MCM6: variants seen among roughly 807,000 people sequenced by gnomAD.
MCM6 encodes the protein minichromosome maintenance complex component 6, also known as DNA replication licensing factor MCM6.
Under a neutral mutation model 94.3 loss-of-function variants are expected in MCM6, and 46 were observed. The observed-to-expected ratio is 0.49, with a 90% CI of 0.39 to 0.62. The LOEUF (loss-of-function observed/expected upper bound fraction) is 0.62. Ranked by LOEUF, MCM6 falls within the 20% of genes least tolerant of loss-of-function variation. MCM6 has a pLI of 0.00. For synonymous variants in MCM6, 335 were observed against 351.9 expected (o/e 0.95, Z 0.54); for missense variants, 865 against 1,017.9 (o/e 0.85, Z 2.04).
chr2:135,863,070 C>T (rs974967202), intron 7 of MCM6, among the ~76,000 whole-genome samples: 2 of 152,166 alleles, frequency 1.3e-5, no homozygotes, highest in African/African-American at 4.8e-5. Context: ...AAAGATCTCT[C>T]CTGATAAATG....
chr2:135,860,898 A>C (rs1404846742), intron 8 of MCM6, among the ~76,000 whole-genome samples: 1 of 152,202 alleles, frequency 6.6e-6, no homozygotes, highest in Non-Finnish European at 1.5e-5. Flanking sequence ...AGGCAAGAAA[A>C]AAAGGCAGCC....
intron 11 of MCM6, among the ~76,000 whole-genome samples, chr2:135,854,461 C>T (rs1305496289): frequency 8.1e-6 from 1 of 122,964 alleles, no homozygotes. Context: ...ACCTGAGAGG[C>T]GGAGGTTGCA....
At chr2:135,861,713 C>T (rs1041889068) in intron 8 of MCM6, among the ~76,000 whole-genome samples, 10 of 152,236 alleles carry the variant, frequency 6.6e-5, no homozygotes, top group African/African-American at 1.7e-4. Context: ...CCTGGGTTCA[C>T]GCCATTCTCC....
chr2:135,843,979 T>C (rs1466226002), intron 16 of MCM6, among the ~76,000 whole-genome samples: 1 of 151,980 alleles, frequency 6.6e-6, no homozygotes, highest in Non-Finnish European at 1.5e-5. Flanking sequence ...GGAAAAGGAA[T>C]TGCACTGGGC....
chr2:135,845,069 A>C (rs1405297325), intron 15 of MCM6, among the ~76,000 whole-genome samples: 1 of 152,232 alleles, frequency 6.6e-6, no homozygotes, highest in Non-Finnish European at 1.5e-5. Context: ...GCAAGCAAAA[A>C]TTCTGAAATA....
intron 1 of MCM6, among the ~76,000 whole-genome samples, chr2:135,873,438 A>C (rs1255365385): frequency 6.6e-6 from 1 of 152,234 alleles, no homozygotes; most frequent in Admixed American, 6.5e-5. Context: ...CATGGAAATG[A>C]GGTGTTTCAC....
chr2:135,840,471 A>G lies in MCM6; in HGVS notation c.*364T>C, dbSNP rs1158369240. On this transcript the variant is annotated 3_prime_UTR_variant, in exon 17 of 17. Coordinates refer to ENST00000264156, the MANE Select transcript of MCM6 (RefSeq NM_005915.6). ...AGAACAAGTTATTTTATTTTGATGAATAAAAGCAGTAGCTGGCAATTGAAA... is the reference window on the plus strand; with the variant it reads ...AGAACAAGTTATTTTATTTTGATGAGTAAAAGCAGTAGCTGGCAATTGAAA... 1 of 162,228 alleles carries G rather than the reference A, an allele frequency of 6.2e-6. No individual in the cohort carries two copies. Among genetic ancestry groups the G allele is most frequent in the Non-Finnish European group, 1.3e-5 (1 of 74,650 alleles). 10.0% of individuals were successfully genotyped at this position (162,228 alleles called of 1,614,324 possible).
At chr2:135,869,957 T>A (rs183453088) in intron 3 of MCM6, among the ~76,000 whole-genome samples, 127 of 152,348 alleles carry the variant, frequency 8.3e-4, no homozygotes, top group African/African-American at 2.9e-3. Context: ...TTCCTCCTGG[T>A]ATTTTACAGC....
chr2:135,860,469 T>C (rs557688159), intron 8 of MCM6, among the ~76,000 whole-genome samples: 2 of 152,210 alleles, frequency 1.3e-5, no homozygotes, highest in South Asian at 2.1e-4. Context: ...TTAATAGTAA[T>C]AAACAGCAAC....
intron 11 of MCM6, among the ~76,000 whole-genome samples, chr2:135,854,218 C>A (rs536103163): frequency 2.6e-5 from 4 of 151,770 alleles, no homozygotes; most frequent in African/African-American, 9.7e-5. Flanking sequence ...TACAGCCAGA[C>A]CCTGTCTCAA....
intron 13 of MCM6, among the ~76,000 whole-genome samples, chr2:135,848,711 C>T (rs1400632496): frequency 6.6e-6 from 1 of 152,088 alleles, no homozygotes; most frequent in Non-Finnish European, 1.5e-5. Flanking sequence ...TGGAGAAACC[C>T]CATCTCTACT....
At chr2:135,845,035 G>A (rs1679645042) in intron 15 of MCM6, among the ~76,000 whole-genome samples, 3 of 152,070 alleles carry the variant, frequency 2.0e-5, no homozygotes, top group African/African-American at 7.2e-5. Flanking sequence ...GAAACTAAAA[G>A]CATAAATTAG....
At position 135,840,083 on chromosome 2, in the gene MCM6, T is replaced by A. The variant is rs1333298863; in HGVS notation, c.*752A>T. 1 of 152,126 alleles carries A rather than the reference T, an allele frequency of 6.6e-6. No individual in the cohort carries two copies. The highest frequency in any genetic ancestry group is 6.6e-5 in the Admixed American group (1 of 15,262). 9.4% of individuals were successfully genotyped at this position (152,126 alleles called of 1,614,324 possible). On this transcript the variant is annotated 3_prime_UTR_variant, in exon 17 of 17. Transcript: ENST00000264156. ...CCTGGAAGACCATAAAATTTGGGGATTGCTTGTAATATAGCAAATGACCTA... is the reference window on the plus strand; with the variant it reads ...CCTGGAAGACCATAAAATTTGGGGAATGCTTGTAATATAGCAAATGACCTA...
chr2:135,843,783 A>G (rs1418576093), intron 16 of MCM6, among the ~76,000 whole-genome samples: 1 of 151,864 alleles, frequency 6.6e-6, no homozygotes, highest in East Asian at 1.9e-4. Flanking sequence ...AAGAGGGAAT[A>G]ACCAGTGAGA....
chr2:135,872,216 C>T (rs1332562887), intron 2 of MCM6, among the ~76,000 whole-genome samples: 6 of 152,126 alleles, frequency 3.9e-5, no homozygotes, highest in African/African-American at 1.2e-4. Flanking sequence ...GAGGCCGAGG[C>T]GGGCGGATCA....
At chr2:135,872,483 C>G (rs1295093550) in intron 2 of MCM6, among the ~76,000 whole-genome samples, 1 of 148,014 alleles carries the variant, frequency 6.8e-6, no homozygotes, top group East Asian at 2.0e-4. Context: ...AAACAAAACA[C>G]AACAACAAAA....
chr2:135,846,439 A>G, intron 14 of MCM6, 47 bp from the exon 15 acceptor site: 2 of 1,544,128 alleles, frequency 1.3e-6, no homozygotes, highest in Non-Finnish European at 1.8e-6. Flanking sequence ...TGCCCTTAAC[A>G]TCCCCTTGTC....
In MCM6 at chr2:135,856,812, T is replaced by C; in HGVS notation, c.1542A>G (p.Lys514=). The stretch of plus-strand genomic sequence containing the variant: ...ACAAATTTATATTCTGTTTCAATGA[T>C]TTTGATCTGTCATAGTGTCCACTGA... ...NPISGHYDRS[K]SLKQNINLSA... Residue 514 remains lysine, a synonymous_variant, in exon 11 of 17, where the codon AAA becomes AAG. Coordinates refer to ENST00000264156, the MANE Select transcript of MCM6 (RefSeq NM_005915.6). 1 of 1,614,194 alleles carries C rather than the reference T, an allele frequency of 6.2e-7. No homozygotes were observed. The highest frequency in any genetic ancestry group is 8.5e-7 in the Non-Finnish European group (1 of 1,180,024).
chr2:135,867,334 ATGTCT>A (rs1311429159), intron 4 of MCM6, among the ~76,000 whole-genome samples: 1 of 152,104 alleles, frequency 6.6e-6, no homozygotes, highest in African/African-American at 2.4e-5. Context: ...CCATCTTCAA[ATGTCT>A]TGTCAAGAGT....
Sources: gnomAD v4.1 joint callset for allele counts (sites outside exome capture counted in the v4.1 genomes callset) on GRCh38, gnomAD v4.1.1 for gene constraint, MANE v1.5 for transcripts, NCBI Gene and HGNC (gene_info 2026-07-23, HGNC 2026-07-21) for gene names.